TNRC6A: variants seen among roughly 807,000 people sequenced by gnomAD.
TNRC6A encodes the protein trinucleotide repeat-containing gene 6A protein.
A neutral mutation model predicts 221.2 loss-of-function variants in TNRC6A; 44 were observed. That is an observed-to-expected ratio of 0.20 (90% CI 0.16 to 0.26). TNRC6A has a LOEUF of 0.26. TNRC6A is among the 10% of genes least tolerant of loss of function. The probability of loss-of-function intolerance (pLI) is 1.00; values close to 1 mark genes in which losing one functional copy is unlikely to be tolerated. For missense variants in TNRC6A, 2,199 were observed against 2,404.4 expected (o/e 0.91, Z 1.79); for synonymous variants, 847 against 838.5 (o/e 1.01, Z -0.18).
intron 2 of TNRC6A, among the ~76,000 whole-genome samples, chr16:24,710,777 T>C (rs529710160): frequency 2.6e-5 from 4 of 151,878 alleles, no homozygotes; most frequent in Admixed American, 2.6e-4. Flanking sequence ...GCTGGTGCGA[T>C]CGTGGCTCAC....
chr16:24,759,724 G>A (rs960427262), intron 4 of TNRC6A, among the ~76,000 whole-genome samples: 1 of 152,166 alleles, frequency 6.6e-6, no homozygotes, highest in African/African-American at 2.4e-5. Context: ...ATTAGAGAGG[G>A]TCATGAGGGT....
intron 1 of TNRC6A, chr16:24,640,839 A>G (rs1901915120): frequency 2.0e-5 from 3 of 152,222 alleles, no homozygotes; most frequent in Admixed American, 6.5e-5. Context: ...GAATGAAGTA[A>G]AAAGTGGAGA....
rs770651349 is a variant in TNRC6A at position 24,687,954 on chromosome 16, C to CT, written n.402+46959dup. Reference sequence around the variant, plus strand: ...CTTTTCTTTTCTTTTCTTTTCTTTTCTTTTTTTTTTTTTTGTCGCCCAGGC... The same window carrying CT: ...CTTTTCTTTTCTTTTCTTTTCTTTTCTTTTTTTTTTTTTTTGTCGCCCAGGC... On this transcript the variant is annotated intron_variant and non_coding_transcript_variant, in intron 2 of 2. Coordinates refer to the TNRC6A transcript ENST00000566108. Among the ~76,000 whole-genome samples, 541 of 70,600 alleles carry CT rather than the reference C, an allele frequency of 7.7e-3. 11 individuals are homozygous for CT. Among genetic ancestry groups the CT allele is most frequent in the South Asian group, 0.022 (38 of 1,754 alleles). The allele number at this position is 70,600 out of a possible 152,430, so 46.3% of individuals were successfully genotyped here.
chr16:24,771,557 ATGTTTTATGTTATGTTATGTTATGT>A (rs2057596767), intron 4 of TNRC6A, among the ~76,000 whole-genome samples: 1 of 62,296 alleles, frequency 1.6e-5, no homozygotes, highest in Non-Finnish European at 2.9e-5. Flanking sequence ...ATGTTATGTT[ATGTTTTATGTTATGTTATGTTATGT>A]TGTTATGTTA....
chr16:24,685,498 G>A (rs993130320), intron 2 of TNRC6A, among the ~76,000 whole-genome samples: 11 of 152,014 alleles, frequency 7.2e-5, no homozygotes, highest in South Asian at 2.1e-4. Context: ...CACAATGCCC[G>A]GTGAATTTTG....
chr16:24,668,733 G>A (rs1183465714), intron 2 of TNRC6A, among the ~76,000 whole-genome samples: 1 of 152,192 alleles, frequency 6.6e-6, no homozygotes, highest in East Asian at 1.9e-4. Flanking sequence ...GACCTTAGAT[G>A]GGAAAGAACA....
At chr16:24,726,303 G>A (rs138132265), upstream of TNRC6A, among the ~76,000 whole-genome samples, 742 of 151,108 alleles carry the variant, frequency 4.9e-3, 4 homozygotes, top group Non-Finnish European at 8.0e-3. Flanking sequence ...AAAGCCTTGG[G>A]AGTGGGGAGA....
At chr16:24,745,805 C>A (rs865922924) in intron 2 of TNRC6A, among the ~76,000 whole-genome samples, 4 of 149,050 alleles carry the variant, frequency 2.7e-5, no homozygotes, top group South Asian at 2.2e-4. Context: ...TCCCCCCCCC[C>A]CCCAGCTAAT....
chr16:24,740,553 A>C (rs527570116), intron 2 of TNRC6A, among the ~76,000 whole-genome samples: 3 of 152,236 alleles, frequency 2.0e-5, no homozygotes, highest in Middle Eastern at 3.4e-3. Flanking sequence ...TTTTGATGCT[A>C]TTGTAGGTGG....
chr16:24,759,534 C>A (rs139795907), intron 4 of TNRC6A, among the ~76,000 whole-genome samples: 1 of 152,108 alleles, frequency 6.6e-6, no homozygotes, highest in Non-Finnish European at 1.5e-5. Context: ...GGGAATACGA[C>A]GTGCATCTTT....
At chr16:24,734,211 T>C (rs866726336) in intron 2 of TNRC6A, among the ~76,000 whole-genome samples, 2 of 151,960 alleles carry the variant, frequency 1.3e-5, no homozygotes, top group African/African-American at 2.4e-5. Context: ...AAAAGATGAG[T>C]GTATAAGATA....
intron 2 of TNRC6A, among the ~76,000 whole-genome samples, chr16:24,694,451 C>T (rs1315570671): frequency 3.9e-5 from 6 of 152,066 alleles, no homozygotes; most frequent in South Asian, 2.1e-4. Context: ...GCCAGGAGAT[C>T]GACACCATCC....
intron 22 of TNRC6A, chr16:24,821,817 T>C: frequency 2.0e-6 from 1 of 508,228 alleles, no homozygotes; most frequent in Non-Finnish European, 3.5e-6. Flanking sequence ...AGATGCAGCC[T>C]TTTGTGGCTC....
At chr16:24,808,537 G>GA (rs2058480287) in intron 17 of TNRC6A, among the ~76,000 whole-genome samples, 2 of 152,188 alleles carry the variant, frequency 1.3e-5, no homozygotes, top group African/African-American at 4.8e-5. Flanking sequence ...AACCTCTGCA[G>GA]AAAAAAATTG....
chr16:24,791,516 C>G lies in TNRC6A; in HGVS notation c.2874C>G (p.Ile958Met), dbSNP rs1041143619. ...KQQDIVGSWG[I>M]PPATGKPPGT... ...AAGACATTGTTGGATCTTGGGGAAT[C>G]CCACCAGCTACAGGCAAACCTCCTG... Residue 958 changes from isoleucine to methionine, a missense_variant, in exon 6 of 25, where the codon ATC becomes ATG. This residue lies in a region of TNRC6A where 1,405 missense variants were observed against 1,400.2 expected (regional missense o/e 1.00). Transcript: ENST00000395799. 6.5e-7 allele frequency: 1 copy of G among 1,534,170 alleles called. No homozygotes were observed. The highest frequency in any genetic ancestry group is 8.7e-7 in the Non-Finnish European group (1 of 1,144,958).
chr16:24,664,454 A>G (rs998943508), intron 2 of TNRC6A, among the ~76,000 whole-genome samples: 90 of 144,960 alleles, frequency 6.2e-4, no homozygotes, highest in Non-Finnish European at 1.1e-3. Context: ...AAAATAATAT[A>G]TTTTATTTTT....
At chr16:24,734,410 A>G (rs1441218098) in intron 2 of TNRC6A, among the ~76,000 whole-genome samples, 2 of 152,116 alleles carry the variant, frequency 1.3e-5, no homozygotes, top group Admixed American at 6.5e-5. Flanking sequence ...AAAAAAATCT[A>G]CCAGTACTGG....
chr16:24,825,129 T>C lies in TNRC6A; in HGVS notation c.*1322T>C, dbSNP rs2058843685. On this transcript the variant is annotated 3_prime_UTR_variant, in exon 25 of 25. Coordinates refer to ENST00000395799, the MANE Select transcript of TNRC6A (RefSeq NM_014494.4). Reference sequence around the variant, plus strand: ...GTATTGGGCTTACAGAGTTGTTTGTTGTATAAAGAAAATTTTAAATGTTGT... The same window carrying C: ...GTATTGGGCTTACAGAGTTGTTTGTCGTATAAAGAAAATTTTAAATGTTGT... 1 of 152,666 alleles carries C rather than the reference T, an allele frequency of 6.6e-6. No individual in the cohort carries two copies. Among genetic ancestry groups the C allele is most frequent in the African/African-American group, 2.4e-5 (1 of 41,466 alleles). 9.5% of individuals were successfully genotyped at this position (152,666 alleles called of 1,614,324 possible). A position where few individuals can be genotyped will look rare whatever the true frequency, so the allele number is the denominator to read the frequency against.
At chr16:24,628,041 G>GT (rs1329323457) in intron 1 of TNRC6A, among the ~76,000 whole-genome samples, 4 of 151,756 alleles carry the variant, frequency 2.6e-5, no homozygotes, top group African/African-American at 9.7e-5. Context: ...TGTAAAATTT[G>GT]TATGTATGTA....
Sources: gnomAD v4.1 joint callset for allele counts (sites outside exome capture counted in the v4.1 genomes callset) on GRCh38, gnomAD v4.1.1 for gene constraint, gnomAD v4.1.1 regional missense constraint, MANE v1.5 for transcripts, NCBI Gene and HGNC (gene_info 2026-07-23, HGNC 2026-07-21) for gene names.